Variants in CMBL observed in about 807,000 individuals in gnomAD.
CMBL encodes carboxymethylenebutenolidase homolog.
A neutral mutation model predicts 28.7 loss-of-function variants in CMBL; 17 were observed. That is an observed-to-expected ratio of 0.59 (90% confidence interval 0.41 to 0.89). CMBL has a LOEUF of 0.89. Among genes scored for constraint, CMBL ranks in the 40% least tolerant of loss-of-function variants. The pLI is 0.00. For missense variants in CMBL, 310 were observed against 298.5 expected (o/e 1.04, Z -0.28); for synonymous variants, 106 against 101.6 (o/e 1.04, Z -0.26).
At position 10,289,039 on chromosome 5, in the gene CMBL, G is replaced by T. The variant is rs376181494; in HGVS notation, c.216-510C>A. 6.6e-6 allele frequency among the ~76,000 whole-genome samples: 1 copy of T among 152,112 alleles called. No individual in the cohort carries two copies. Among genetic ancestry groups the T allele is most frequent in the African/African-American group, 2.4e-5 (1 of 41,410 alleles). On this transcript the variant is annotated intron_variant, in intron 2 of 5. Transcript: ENST00000296658. This position sits in a 1 kb window ranked among gnomAD's most constrained non-coding sequence, Gnocchi z 4.3. ...CTATCCAGAGGGTATGTTCTAAGAC[G>T]GGCAGCAGAGCACAAACAAGCCTGG...
intron 5 of CMBL, among the ~76,000 whole-genome samples, chr5:10,281,465 A>G (rs987920603): frequency 5.3e-5 from 8 of 151,572 alleles, no homozygotes; most frequent in African/African-American, 1.7e-4. Context: ...CAATCCTCCC[A>G]CCTCAGCCTT....
rs1386146870 is a variant in CMBL at position 10,286,225 on chromosome 5, C to T, written c.466+129G>A. On this transcript the variant is annotated intron_variant, in intron 4 of 5. Transcript: ENST00000296658. The stretch of plus-strand genomic sequence containing the variant: ...CCTCTATTTTCAGATTCTTAAAACC[C>T]ATTTCCATAAGATGGGCAGTCTTCA... 3.2e-5 allele frequency: 29 copies of T among 914,388 alleles called. No individual in the cohort carries two copies. The East Asian group carries it at 6.4e-4, about 20-fold the overall frequency. The allele number at this position is 914,388 out of a possible 1,614,324, so 56.6% of individuals were successfully genotyped here.
chr5:10,301,733 C>T (rs1490392689), intron 1 of CMBL, among the ~76,000 whole-genome samples: 2 of 151,618 alleles, frequency 1.3e-5, no homozygotes, highest in East Asian at 1.9e-4. Context: ...TCCCAAGTAG[C>T]TGGGACTACA....
At chr5:10,294,142 C>A (rs1746771525) in intron 1 of CMBL, among the ~76,000 whole-genome samples, 1 of 152,172 alleles carries the variant, frequency 6.6e-6, no homozygotes, top group African/African-American at 2.4e-5. Context: ...GTGGCTGCAA[C>A]AGAAAGAGCA....
At chr5:10,287,433 T>C (rs959016240) in intron 3 of CMBL, among the ~76,000 whole-genome samples, 4 of 136,922 alleles carry the variant, frequency 2.9e-5, no homozygotes, top group African/African-American at 1.1e-4. Flanking sequence ...AGCTAAGCTA[T>C]GAGTAGATTC....
intron 4 of CMBL, among the ~76,000 whole-genome samples, chr5:10,283,947 G>A (rs1347448503): frequency 2.6e-5 from 4 of 152,180 alleles, no homozygotes; most frequent in Non-Finnish European, 1.5e-5. Context: ...ATAAGAAGAC[G>A]TAAATAACAT....
intron 4 of CMBL, among the ~76,000 whole-genome samples, chr5:10,285,756 G>A (rs1324883532): frequency 3.4e-5 from 5 of 147,436 alleles, no homozygotes; most frequent in East Asian, 4.0e-4. Context: ...GGAGTGCAGC[G>A]GCATGATCAT....
Position 10,290,667 on chromosome 5 carries a change from A to C in CMBL, c.96T>G (p.Ala32=). 1 of 1,614,244 alleles carries C rather than the reference A, an allele frequency of 6.2e-7. No individual in the cohort carries two copies. The highest frequency in any genetic ancestry group is 8.5e-7 in the Non-Finnish European group (1 of 1,180,040). The change falls in exon 2 of 6, where the codon GCT becomes GCG. Residue 32 remains alanine, a synonymous_variant. Transcript: ENST00000296658. ...GREVQVEHIK[A]YVTKSPVDAG... ...CATCAACGGGGGATTTGGTGACATA[A>C]GCCTTGATGTGCTCGACTTGAACTT...
rs761454458 is a variant in CMBL, at chr5:10,280,549, G to A, written c.642C>T (p.Phe214=). 3.7e-6 allele frequency: 6 copies of A among 1,613,692 alleles called. No homozygotes were observed. The highest frequency in any genetic ancestry group is 1.3e-5 in the African/African-American group (1 of 74,900). Residue 214 remains phenylalanine (F), a synonymous_variant, in exon 6 of 6, where the codon TTC becomes TTT. Coordinates refer to ENST00000296658, the MANE Select transcript of CMBL (RefSeq NM_138809.4). ...AGCAATCTTCTCTCTTCCGATGCACGAACCCATGAGTCTGCCCAGAAAATG... is the reference window on the plus strand; with the variant it reads ...AGCAATCTTCTCTCTTCCGATGCACAAACCCATGAGTCTGCCCAGAAAATG... ...IKTFSGQTHG[F]VHRKREDCSP...
chr5:10,298,325 TTTC>T (rs1358548033), intron 1 of CMBL, among the ~76,000 whole-genome samples: 6 of 152,154 alleles, frequency 3.9e-5, no homozygotes, highest in Admixed American at 1.3e-4. Flanking sequence ...TAAGGCAGAA[TTTC>T]TTAAATTTGA....
chr5:10,286,115 G>A (rs966650940), intron 4 of CMBL: 2 of 407,780 alleles, frequency 4.9e-6, no homozygotes, highest in Non-Finnish European at 8.6e-6. Context: ...TTTAGATTAG[G>A]TGGCTTTCCC....
At chr5:10,297,391 G>A (rs1163551153) in intron 1 of CMBL, among the ~76,000 whole-genome samples, 1 of 149,382 alleles carries the variant, frequency 6.7e-6, no homozygotes, top group Non-Finnish European at 1.5e-5. Context: ...CCAACATGGG[G>A]AAACCCCGTC....
chr5:10,294,663 C>T (rs1447887011), intron 1 of CMBL, among the ~76,000 whole-genome samples: 2 of 152,066 alleles, frequency 1.3e-5, no homozygotes, highest in East Asian at 1.9e-4. Context: ...CAGCAACAAT[C>T]CAGCCAAGAG....
At chr5:10,306,329 A>C (rs532319363) in intron 1 of CMBL, among the ~76,000 whole-genome samples, 2 of 152,298 alleles carry the variant, frequency 1.3e-5, no homozygotes, top group Non-Finnish European at 2.9e-5. Flanking sequence ...CTAGGAATAC[A>C]TCTCCAGCCT....
chr5:10,297,817 C>T (rs963778297), intron 1 of CMBL, among the ~76,000 whole-genome samples: 2 of 152,032 alleles, frequency 1.3e-5, no homozygotes, highest in East Asian at 1.9e-4. Flanking sequence ...ACAGTCCTCA[C>T]GCACCCAAGG....
chr5:10,286,670 C>A (rs999727892), intron 3 of CMBL, among the ~76,000 whole-genome samples, 174 bp from the exon 4 acceptor site: 2 of 152,200 alleles, frequency 1.3e-5, no homozygotes, highest in African/African-American at 4.8e-5. Context: ...CATCCCAGCA[C>A]ATCTTCCTGC....
intron 4 of CMBL, 94 bp downstream of exon 4, chr5:10,286,260 G>C: frequency 1.6e-6 from 2 of 1,232,066 alleles, no homozygotes; most frequent in Non-Finnish European, 2.3e-6. Context: ...ACATTATTGG[G>C]GGTTGTGTTA....
intron 4 of CMBL, among the ~76,000 whole-genome samples, chr5:10,285,700 C>CTTTTTTTT (rs34390937): frequency 3.7e-5 from 5 of 133,706 alleles, no homozygotes; most frequent in Non-Finnish European, 7.8e-5. Flanking sequence ...CTTTCTTTTT[C>CTTTTTTTT]TTTTTTTTTT....
chr5:10,296,799 G>A (rs769625892), intron 1 of CMBL, among the ~76,000 whole-genome samples: 7 of 152,304 alleles, frequency 4.6e-5, no homozygotes, highest in East Asian at 1.9e-4. Flanking sequence ...GTTGCCCTCC[G>A]CGTTTGGCAA....
Sources: gnomAD v4.1 joint callset for allele counts (sites outside exome capture counted in the v4.1 genomes callset) on GRCh38, gnomAD v4.1.1 for gene constraint, Gnocchi (gnomAD v3.1) non-coding constraint, MANE v1.5 for transcripts, NCBI Gene and HGNC (gene_info 2026-07-23, HGNC 2026-07-21) for gene names.